The following GPATCH2 variants were observed in gnomAD, a reference collection of about 807,000 sequenced individuals.
The protein encoded by GPATCH2 is G-patch domain containing 2, also known as G patch domain-containing protein 2.
Under a neutral mutation model 58.0 loss-of-function variants are expected in GPATCH2, and 51 were observed. The ratio of observed to expected loss-of-function variants is 0.88; its 90% CI spans 0.70 to 1.11. GPATCH2 has a LOEUF of 1.11. GPATCH2 is among the 50% of genes most tolerant of loss of function. The probability of loss-of-function intolerance (pLI) is 0.00; values close to 1 mark genes in which losing one functional copy is unlikely to be tolerated. For synonymous variants in GPATCH2, 222 were observed against 218.5 expected (o/e 1.02, Z -0.14); for missense variants, 625 against 652.2 (o/e 0.96, Z 0.45).
chr1:217,608,964 A>C, intron 5 of GPATCH2: 3 of 984,376 alleles, frequency 3.0e-6, no homozygotes, highest in Non-Finnish European at 3.6e-6. Context: ...TCAGACTTTA[A>C]AAACTTTAGG....
intron 5 of GPATCH2, among the ~76,000 whole-genome samples, chr1:217,562,214 A>G (rs974640694): frequency 6.6e-6 from 1 of 152,170 alleles, no homozygotes; most frequent in Non-Finnish European, 1.5e-5. Context: ...TTTAAAACAC[A>G]GCATTGGGTT....
At chr1:217,602,462 T>C (rs935646539) in intron 5 of GPATCH2, among the ~76,000 whole-genome samples, 1 of 152,140 alleles carries the variant, frequency 6.6e-6, no homozygotes, top group African/African-American at 2.4e-5. Flanking sequence ...TCCCAGAGTT[T>C]TGCTAAGTTA....
intron 5 of GPATCH2, among the ~76,000 whole-genome samples, chr1:217,524,583 G>T: frequency 6.6e-6 from 1 of 151,820 alleles, no homozygotes; most frequent in East Asian, 2.0e-4. Context: ...TGAGCACTGA[G>T]TGAAGGAGAC....
At chr1:217,582,407 T>C (rs1036588133) in intron 5 of GPATCH2, among the ~76,000 whole-genome samples, 13 of 152,128 alleles carry the variant, frequency 8.5e-5, no homozygotes, top group Non-Finnish European at 1.8e-4. Context: ...TGTCACTGTT[T>C]TTGATAGTAA....
chr1:217,533,998 C>CT (rs1355658734), intron 5 of GPATCH2, among the ~76,000 whole-genome samples: 2 of 151,996 alleles, frequency 1.3e-5, no homozygotes, highest in Admixed American at 6.6e-5. Context: ...GGCAGATCAC[C>CT]TGAGGTCAAG....
intron 5 of GPATCH2, among the ~76,000 whole-genome samples, chr1:217,584,344 A>AAAAAAAAAAAAAAAAAAAATATATAT (rs1463910405): frequency 2.0e-5 from 2 of 101,858 alleles, no homozygotes; most frequent in African/African-American, 3.4e-5. Context: ...AAAAAAAAAA[A>AAAAAAAAAAAAAAAAAAAATATATAT]ATATATATAT....
intron 7 of GPATCH2, among the ~76,000 whole-genome samples, chr1:217,495,610 TTTCC>T (rs2102541555): frequency 6.6e-6 from 1 of 152,348 alleles, no homozygotes; most frequent in Non-Finnish European, 1.5e-5. Context: ...CCTCTCCCTC[TTTCC>T]TTCCACCCCT....
intron 5 of GPATCH2, among the ~76,000 whole-genome samples, chr1:217,571,709 AAAAAAAAAAAAC>A (rs1283030797): frequency 4.7e-5 from 7 of 148,484 alleles, no homozygotes; most frequent in Non-Finnish European, 1.1e-4. Flanking sequence ...AAACCAAAAA[AAAAAAAAAAAAC>A]AAAAAAGAAG....
intron 6 of GPATCH2, among the ~76,000 whole-genome samples, chr1:217,499,604 C>T (rs1175798538): frequency 1.3e-5 from 2 of 152,076 alleles, no homozygotes; most frequent in Admixed American, 6.6e-5. Flanking sequence ...CAAATTCCAC[C>T]AGTGATGGGG....
In GPATCH2 at chr1:217,530,405, A is replaced by G. The variant is rs145715554; in HGVS notation, c.1099-15516T>C. Among the ~76,000 whole-genome samples the G allele has an allele frequency of 9.6e-3, 1,464 of 152,368 alleles. 8 individuals carry two copies. Among genetic ancestry groups the G allele is most frequent in the Non-Finnish European group, 0.016 (1,115 of 68,038 alleles). ...TAAAGAGATCATTTGTAAAGCACAT[A>G]GATCAGTGTGTATTAGCTATTATTA... On this transcript the variant is annotated intron_variant, in intron 5 of 9. Transcript: ENST00000366935.
At chr1:217,520,641 A>C (rs1402001597) in intron 5 of GPATCH2, among the ~76,000 whole-genome samples, 1 of 152,174 alleles carries the variant, frequency 6.6e-6, no homozygotes, top group African/African-American at 2.4e-5. Flanking sequence ...GTCAAGGTTA[A>C]AGTAAAAATT....
rs772738202 is a variant in GPATCH2 at position 217,431,123 on chromosome 1, A to G, written c.*22T>C. 24 of 1,144,754 alleles carry G rather than the reference A, an allele frequency of 2.1e-5. 1 individual carries two copies. The Admixed American group carries it at 4.0e-4, about 19-fold the overall frequency. 70.9% of individuals were successfully genotyped at this position (1,144,754 alleles called of 1,614,324 possible). On this transcript the variant is annotated 3_prime_UTR_variant, in exon 10 of 10. Transcript: ENST00000366935. ...TGGGACATAGTGAATAAAGTCTGTAAAACATTTCTTCTTTGCTTTTCTTAG... is the reference window on the plus strand; with the variant it reads ...TGGGACATAGTGAATAAAGTCTGTAGAACATTTCTTCTTTGCTTTTCTTAG...
chr1:217,477,270 A>T (rs1421564460), intron 8 of GPATCH2, among the ~76,000 whole-genome samples: 2 of 152,114 alleles, frequency 1.3e-5, no homozygotes, highest in African/African-American at 4.8e-5. Flanking sequence ...TAAGCCTCTG[A>T]GACTTGCTAG....
rs764563037 is a variant in GPATCH2, at chr1:217,498,312, G to T, written c.1206+44C>A. 59 of 1,467,132 alleles carry T rather than the reference G, an allele frequency of 4.0e-5. No individual in the cohort carries two copies. In the Admixed American group the frequency reaches 9.7e-4, roughly 24 times the overall value. 90.9% of individuals were successfully genotyped at this position (1,467,132 alleles called of 1,614,324 possible). ...CCTGAAGGGAGACAGTTAAATACTT[G>T]AAAGAGGCTGAGTAACTTCCTTTTG... On this transcript the variant is annotated intron_variant, in intron 7 of 9. Coordinates refer to ENST00000366935, the MANE Select transcript of GPATCH2 (RefSeq NM_018040.5).
At chr1:217,501,347 C>T (rs1034076816) in intron 6 of GPATCH2, among the ~76,000 whole-genome samples, 8 of 152,108 alleles carry the variant, frequency 5.3e-5, no homozygotes, top group Admixed American at 3.3e-4. Context: ...ATTCACCTAT[C>T]GGAAGACTTC....
chr1:217,479,461 T>C (rs956721774), intron 8 of GPATCH2, among the ~76,000 whole-genome samples: 1 of 152,130 alleles, frequency 6.6e-6, no homozygotes, highest in African/African-American at 2.4e-5. Flanking sequence ...TAATGTGTCA[T>C]AAAATAGTGT....
At chr1:217,435,970 A>G (rs1054048250) in intron 9 of GPATCH2, among the ~76,000 whole-genome samples, 1 of 152,216 alleles carries the variant, frequency 6.6e-6, no homozygotes, top group Non-Finnish European at 1.5e-5. Context: ...TAAATAGTTA[A>G]GTGCATAAAT....
intron 6 of GPATCH2, among the ~76,000 whole-genome samples, chr1:217,506,636 A>G (rs1662578511): frequency 6.6e-6 from 1 of 152,202 alleles, no homozygotes; most frequent in African/African-American, 2.4e-5. Flanking sequence ...AAAGCAAACC[A>G]AAACCTTAAG....
At chr1:217,532,976 G>T (rs1449065964) in intron 5 of GPATCH2, among the ~76,000 whole-genome samples, 1 of 141,332 alleles carries the variant, frequency 7.1e-6, no homozygotes. Context: ...ATAGCTCACT[G>T]CAGCCTTGAC....
Sources: allele counts gnomAD v4.1 joint callset (sites outside exome capture counted in the v4.1 genomes callset), GRCh38; gene constraint gnomAD v4.1.1; transcripts MANE v1.5; gene names NCBI Gene and HGNC (gene_info 2026-07-23, HGNC 2026-07-21).